TP53INP1: variants seen among roughly 807,000 people sequenced by gnomAD.
The protein encoded by TP53INP1 is tumor protein p53 inducible nuclear protein 1.
A neutral mutation model predicts 21.0 loss-of-function variants in TP53INP1; 12 were observed. The ratio of observed to expected loss-of-function variants is 0.57; its 90% confidence interval spans 0.37 to 0.93. TP53INP1 has a LOEUF of 0.93. Ranked by LOEUF, TP53INP1 falls within the 40% of genes least tolerant of loss-of-function variation. The pLI is 0.01. For synonymous variants in TP53INP1, 91 were observed against 94.8 expected, an observed-to-expected ratio of 0.96 and a Z score of 0.23; for missense variants, 274 against 294.7, an observed-to-expected ratio of 0.93 and a Z score of 0.51.
chr8:94,940,676 C>G (rs933672924), intron 2 of TP53INP1, among the ~76,000 whole-genome samples, 154 bp downstream of exon 2: 1 of 152,204 alleles, frequency 6.6e-6, no homozygotes, highest in African/African-American at 2.4e-5. Flanking sequence ...CATTATCTAG[C>G]ACAGATGGTT....
chr8:94,946,427 G>A (rs575116975), intron 1 of TP53INP1, among the ~76,000 whole-genome samples: 59 of 151,982 alleles, frequency 3.9e-4, no homozygotes, highest in African/African-American at 1.3e-3. Flanking sequence ...GAGGCTGGGC[G>A]CAGTGGCTCA....
chr8:94,949,051 G>T (rs1401033903), intron 1 of TP53INP1, 103 bp downstream of exon 1: 1 of 148,334 alleles, frequency 6.7e-6, no homozygotes, highest in Admixed American at 6.7e-5. Flanking sequence ...AAGGCAGGGC[G>T]CGCGGCCGGC....
At position 94,941,013 on chromosome 8, in the gene TP53INP1, G is replaced by T; in HGVS notation, c.-72C>A. 2 of 1,156,922 alleles carry T rather than the reference G, an allele frequency of 1.7e-6. No homozygotes were observed. The highest frequency in any genetic ancestry group is 2.6e-6 in the Non-Finnish European group (2 of 782,188). 71.7% of individuals were successfully genotyped at this position (1,156,922 alleles called of 1,614,324 possible). Reference sequence around the variant, plus strand: ...GATTTCAAAACCTTGTCTTTAGTTGGCCCAATGGTACCGACAGGAGATTAA... The same window carrying T: ...GATTTCAAAACCTTGTCTTTAGTTGTCCCAATGGTACCGACAGGAGATTAA... On this transcript the variant is annotated 5_prime_UTR_variant, in exon 2 of 4. Transcript: ENST00000342697.
chr8:94,940,652 G>T (rs1242377501), intron 2 of TP53INP1, among the ~76,000 whole-genome samples, 178 bp downstream of exon 2: 1 of 152,158 alleles, frequency 6.6e-6, no homozygotes, highest in East Asian at 1.9e-4. Context: ...TCTGATGTCA[G>T]TCAATTTCAC....
intron 1 of TP53INP1, among the ~76,000 whole-genome samples, chr8:94,948,635 A>T (rs1490606473): frequency 6.6e-6 from 1 of 152,068 alleles, no homozygotes; most frequent in African/African-American, 2.4e-5. Flanking sequence ...GCGGGGACAG[A>T]GCGCCGGGCC....
chr8:94,946,280 AC>A (rs1267574933), intron 1 of TP53INP1, among the ~76,000 whole-genome samples: 1 of 152,202 alleles, frequency 6.6e-6, no homozygotes, highest in Non-Finnish European at 1.5e-5. Context: ...TCTAATACTC[AC>A]GGGGAAGAGC....
rs1303293905 is a variant in TP53INP1 at position 94,930,088 on chromosome 8, A to G, written c.*391T>C. ...ATAAAGTGTACAGCTGACCCTGAGA[A>G]TAAATTTTTGCTTGCTTAAAAGATT... On this transcript the variant is annotated 3_prime_UTR_variant, in exon 4 of 4. Coordinates refer to ENST00000342697, the MANE Select transcript of TP53INP1 (RefSeq NM_033285.4). 1.6e-5 allele frequency: 3 copies of G among 188,378 alleles called. No individual in the cohort carries two copies. The highest frequency in any genetic ancestry group is 7.1e-5 in the African/African-American group (3 of 42,022). The allele number at this position is 188,378 out of a possible 1,614,324, so 11.7% of individuals were successfully genotyped here.
intron 2 of TP53INP1, 41 bp from the exon 3 acceptor site, chr8:94,940,261 A>C (rs368640148): frequency 6.4e-7 from 1 of 1,555,078 alleles, no homozygotes; most frequent in Admixed American, 1.9e-5. Flanking sequence ...GTGTTGTTGA[A>C]GAGTCCCACA....
intron 3 of TP53INP1, among the ~76,000 whole-genome samples, chr8:94,936,121 T>G (rs1820951812): frequency 6.6e-6 from 1 of 152,130 alleles, no homozygotes; most frequent in Admixed American, 6.5e-5. Context: ...AATTTCCACA[T>G]GAGAGGCATT....
chr8:94,948,944 G>C (rs1822281350), intron 1 of TP53INP1, among the ~76,000 whole-genome samples: 1 of 151,018 alleles, frequency 6.6e-6, no homozygotes, highest in Non-Finnish European at 1.5e-5. Flanking sequence ...TGGGCCCCGG[G>C]GGCCGCCGAG....
intron 3 of TP53INP1, among the ~76,000 whole-genome samples, chr8:94,934,519 G>A (rs895984826): frequency 1.3e-5 from 2 of 151,642 alleles, no homozygotes; most frequent in Non-Finnish European, 2.9e-5. Context: ...CCTAGTAGCT[G>A]GGAGTACAGG....
At chr8:94,931,798 C>G (rs1212034935) in intron 3 of TP53INP1, among the ~76,000 whole-genome samples, 1 of 152,014 alleles carries the variant, frequency 6.6e-6, no homozygotes, top group Non-Finnish European at 1.5e-5. Context: ...ATGGTGAAAC[C>G]CCATCTCTAC....
At chr8:94,933,834 T>TGGGG (rs572867137) in intron 3 of TP53INP1, among the ~76,000 whole-genome samples, 29 of 58,994 alleles carry the variant, frequency 4.9e-4, no homozygotes, top group African/African-American at 1.4e-3. Context: ...CAGCACTTTG[T>TGGGG]GGGGGGGGGG....
intron 3 of TP53INP1, among the ~76,000 whole-genome samples, chr8:94,935,126 G>GGT: frequency 1.0e-5 from 1 of 97,730 alleles, no homozygotes; most frequent in Non-Finnish European, 2.1e-5. Context: ...TAGGTAGATA[G>GGT]ATATAGATAG....
chr8:94,932,004 A>G, intron 3 of TP53INP1: 1 of 1,469,584 alleles, frequency 6.8e-7, no homozygotes, highest in Non-Finnish European at 9.3e-7. Flanking sequence ...TTAAAAGGTC[A>G]GCATTTGGGT....
chr8:94,943,438 G>A (rs1167873769), intron 1 of TP53INP1, among the ~76,000 whole-genome samples: 1 of 152,192 alleles, frequency 6.6e-6, no homozygotes, highest in Non-Finnish European at 1.5e-5. Flanking sequence ...AGTAAGCTAT[G>A]ATTGTGCCAC....
rs1819855825 is a variant in TP53INP1, at chr8:94,925,982, G to A, written c.*4497C>T. 1 of 152,502 alleles carries A rather than the reference G, an allele frequency of 6.6e-6. No homozygotes were observed. Among genetic ancestry groups the A allele is most frequent in the Admixed American group, 6.6e-5 (1 of 15,262 alleles). The allele number at this position is 152,502 out of a possible 1,614,324, so 9.4% of individuals were successfully genotyped here. ...AGAATCTGACAAGTGTGAAGTTAAA[G>A]GACACTTTATTTACTGACAGATTGA... On this transcript the variant is annotated 3_prime_UTR_variant, in exon 4 of 4. Transcript: ENST00000342697.
At chr8:94,944,720 T>G (rs529018163) in intron 1 of TP53INP1, among the ~76,000 whole-genome samples, 106 of 152,246 alleles carry the variant, frequency 7.0e-4, no homozygotes, top group African/African-American at 2.5e-3. Context: ...TGGGGAGGGT[T>G]AAAGGGGCCT....
At chr8:94,933,328 T>A (rs1820613578) in intron 3 of TP53INP1, among the ~76,000 whole-genome samples, 1 of 151,942 alleles carries the variant, frequency 6.6e-6, no homozygotes, top group African/African-American at 2.4e-5. Context: ...ACAAACAAGA[T>A]ATAAAAACAA....
Sources: allele counts gnomAD v4.1 joint callset (sites outside exome capture counted in the v4.1 genomes callset), GRCh38; gene constraint gnomAD v4.1.1; transcripts MANE v1.5; gene names NCBI Gene and HGNC (gene_info 2026-07-23, HGNC 2026-07-21).